Variants in SLC12A2 observed in about 807,000 individuals in gnomAD.
The protein encoded by SLC12A2 is Na-K-2Cl cotransporter 1.
A neutral mutation model predicts 136.3 loss-of-function variants in SLC12A2; 67 were observed. That is an observed-to-expected ratio of 0.49 (90% CI 0.40 to 0.60). SLC12A2 has a LOEUF of 0.60. SLC12A2 is among the 20% of genes least tolerant of loss of function. The pLI is 0.00. For synonymous variants in SLC12A2, 619 were observed against 562.9 expected (o/e 1.10, Z -1.41); for missense variants, 1,322 against 1,534.7 (o/e 0.86, Z 2.32).
At chr5:128,121,563 C>A (rs1361542446) in intron 4 of SLC12A2, among the ~76,000 whole-genome samples, 2 of 151,974 alleles carry the variant, frequency 1.3e-5, no homozygotes, top group Admixed American at 6.6e-5. Flanking sequence ...ATCTCGTGAT[C>A]TGCCCGCCTC....
chr5:128,093,517 A>G (rs990123194), intron 1 of SLC12A2, among the ~76,000 whole-genome samples: 4 of 152,162 alleles, frequency 2.6e-5, no homozygotes, highest in African/African-American at 9.7e-5. Context: ...TCCAGAAACA[A>G]GAATCCAGGC....
intron 4 of SLC12A2, among the ~76,000 whole-genome samples, chr5:128,122,866 T>A (rs1025422773): frequency 4.6e-5 from 7 of 152,116 alleles, no homozygotes; most frequent in Non-Finnish European, 8.8e-5. Flanking sequence ...TTTTAATAGC[T>A]AGTTTCTTTG....
intron 16 of SLC12A2, among the ~76,000 whole-genome samples, 199 bp from the exon 17 acceptor site, chr5:128,161,461 G>T (rs1202144458): frequency 6.6e-6 from 1 of 152,160 alleles, no homozygotes; most frequent in East Asian, 1.9e-4. Flanking sequence ...GCATCCCTGT[G>T]CCTTAGCTAT....
chr5:128,126,966 A>ATAATTT lies in SLC12A2; in HGVS notation c.1049-4100_1049-4099insAATTTT. ...CATATATATATATATATATATATAT[A>ATAATTT]TTTTTTTTTTTTTTTTTTTTTGCAT... On this transcript the variant is annotated intron_variant, in intron 4 of 26. Transcript: ENST00000262461. Among the ~76,000 whole-genome samples, 8 of 21,160 alleles carry ATAATTT rather than the reference A, an allele frequency of 3.8e-4. 1 individual carries two copies. The highest frequency in any genetic ancestry group is 2.0e-3 in the African/African-American group (8 of 4,030). The allele number at this position is 21,160 out of a possible 152,430, so 13.9% of individuals were successfully genotyped here. A position where few individuals can be genotyped will look rare whatever the true frequency, so the allele number is the denominator to read the frequency against.
chr5:128,147,666 T>A lies in SLC12A2; in HGVS notation c.1818T>A (p.Gly606=). 1.9e-6 allele frequency: 3 copies of A among 1,610,406 alleles called. No homozygotes were observed. The highest frequency in any genetic ancestry group is 2.5e-6 in the Non-Finnish European group (3 of 1,177,370). The change falls in exon 11 of 27, where the codon GGT becomes GGA. Residue 606 remains glycine, a synonymous_variant. Coordinates refer to ENST00000262461, the MANE Select transcript of SLC12A2 (RefSeq NM_001046.3). ...VSGFTPLISA[G]IFSATLSSAL... ...GATTTACACCACTAATTTCTGCAGG[T>A]ATATTTTCAGCCACTCTTTCTTCAG...
At chr5:128,182,699 T>A (rs1033915144) in intron 23 of SLC12A2, among the ~76,000 whole-genome samples, 156 bp from the exon 24 acceptor site, 5 of 152,138 alleles carry the variant, frequency 3.3e-5, no homozygotes, top group African/African-American at 1.2e-4. Flanking sequence ...AATTTAAGTC[T>A]ACTTTGTGAA....
At chr5:128,116,879 T>C (rs1249175820) in intron 4 of SLC12A2, among the ~76,000 whole-genome samples, 1 of 152,170 alleles carries the variant, frequency 6.6e-6, no homozygotes, top group Non-Finnish European at 1.5e-5. Context: ...TGACTCAGAT[T>C]TGGAAACCCC....
intron 16 of SLC12A2, among the ~76,000 whole-genome samples, chr5:128,159,562 A>G (rs1762968772): frequency 6.6e-6 from 1 of 152,186 alleles, no homozygotes; most frequent in South Asian, 2.1e-4. Flanking sequence ...TTACAAGAAA[A>G]AAACCACCCT....
chr5:128,126,966 A>ATATATTTTTT, intron 4 of SLC12A2, among the ~76,000 whole-genome samples: 6 of 21,158 alleles, frequency 2.8e-4, no homozygotes, highest in Admixed American at 1.7e-3. Context: ...ATATATATAT[A>ATATATTTTTT]TTTTTTTTTT....
intron 19 of SLC12A2, among the ~76,000 whole-genome samples, chr5:128,172,948 A>G (rs1270076843): frequency 6.6e-6 from 1 of 151,072 alleles, no homozygotes; most frequent in Non-Finnish European, 1.5e-5. Flanking sequence ...CAAGACTCAA[A>G]AAATACAAAA....
chr5:128,180,172 G>A (rs1021891515), intron 22 of SLC12A2, among the ~76,000 whole-genome samples: 10 of 151,238 alleles, frequency 6.6e-5, no homozygotes, highest in Non-Finnish European at 1.0e-4. Flanking sequence ...GGGTTTCATC[G>A]TGTTAGCCAG....
Position 128,147,732 on chromosome 5 carries a change from A to T in SLC12A2, c.1881+3A>T. 6.4e-7 allele frequency: 1 copy of T among 1,556,296 alleles called. No homozygotes were observed. The highest frequency in any genetic ancestry group is 8.9e-7 in the Non-Finnish European group (1 of 1,128,800). The stretch of plus-strand genomic sequence containing the variant: ...TGAGTGCTCCCAAAATATTTCAGGT[A>T]AGTGTTTTTATATTACAGGCTTTAT... On this transcript the variant is annotated splice_donor_region_variant and intron_variant, in intron 11 of 26. Transcript: ENST00000262461.
rs774683323 is a variant in SLC12A2 at position 128,161,753 on chromosome 5, C to G, written c.2569C>G (p.Pro857Ala). Residue 857 changes from proline to alanine, a missense_variant, in exon 17 of 27, where the codon CCA becomes GCA. Pro to Ala is a conservative substitution (Grantham distance 27). This residue lies in a region of SLC12A2 where 226 missense variants were observed against 210.4 expected (regional missense o/e 1.07). Coordinates refer to ENST00000262461, the MANE Select transcript of SLC12A2 (RefSeq NM_001046.3). ...IKNKMKAFYA[P>A]VHADDLREGA... ...GAACAAAATGAAGGCATTTTATGCT[C>G]CAGTACATGCAGATGACTTGAGAGA... 1 of 1,519,440 alleles carries G rather than the reference C, an allele frequency of 6.6e-7. No homozygotes were observed. The highest frequency in any genetic ancestry group is 1.4e-5 in the South Asian group (1 of 73,484). 94.1% of individuals were successfully genotyped at this position (1,519,440 alleles called of 1,614,324 possible).
At chr5:128,110,478 C>A in intron 1 of SLC12A2, 2 of 1,387,274 alleles carry the variant, frequency 1.4e-6, no homozygotes, top group South Asian at 1.2e-5. Context: ...AACTCATAGA[C>A]GCTGCTTTCA....
At chr5:128,160,967 A>G (rs901431857) in intron 16 of SLC12A2, among the ~76,000 whole-genome samples, 14 of 152,094 alleles carry the variant, frequency 9.2e-5, no homozygotes, top group African/African-American at 3.4e-4. Flanking sequence ...GATCAGCTAA[A>G]TCAAGCCTTG....
chr5:128,120,765 C>T (rs1244720359), intron 4 of SLC12A2, among the ~76,000 whole-genome samples: 11 of 151,864 alleles, frequency 7.2e-5, no homozygotes, highest in Admixed American at 1.3e-4. Context: ...TGCTAAATGA[C>T]GAGTTAATGG....
At chr5:128,145,237 T>C (rs1762493083) in intron 10 of SLC12A2, among the ~76,000 whole-genome samples, 1 of 152,096 alleles carries the variant, frequency 6.6e-6, no homozygotes, top group Non-Finnish European at 1.5e-5. Context: ...GTTATAGTAA[T>C]GCTGGTGGTG....
chr5:128,088,766 G>A (rs910884825), intron 1 of SLC12A2, among the ~76,000 whole-genome samples: 3 of 152,132 alleles, frequency 2.0e-5, no homozygotes, highest in African/African-American at 7.2e-5. Flanking sequence ...AAAGGTCAAG[G>A]GAGCAACTAT....
At chr5:128,126,957 T>A in intron 4 of SLC12A2, among the ~76,000 whole-genome samples, 2 of 36,288 alleles carry the variant, frequency 5.5e-5, no homozygotes, top group African/African-American at 4.1e-4. Flanking sequence ...TATATATATA[T>A]ATATATATAT....
Sources: gnomAD v4.1 joint callset for allele counts (sites outside exome capture counted in the v4.1 genomes callset) on GRCh38, gnomAD v4.1.1 for gene constraint, gnomAD v4.1.1 regional missense constraint, MANE v1.5 for transcripts, NCBI Gene and HGNC (gene_info 2026-07-23, HGNC 2026-07-21) for gene names.